Variants in SEPTIN7 observed in about 807,000 individuals in gnomAD.
The protein encoded by SEPTIN7 is septin 7, also known as septin-7.
Under a neutral mutation model 63.3 loss-of-function variants are expected in SEPTIN7, and 10 were observed. The observed-to-expected ratio is 0.16, with a 90% CI of 0.10 to 0.27. The LOEUF (loss-of-function observed/expected upper bound fraction) is 0.27, where lower values mean the gene tolerates loss of function less well. Ranked by LOEUF, SEPTIN7 falls within the 10% of genes least tolerant of loss-of-function variation. The probability of loss-of-function intolerance (pLI) is 1.00; values close to 1 mark genes in which losing one functional copy is unlikely to be tolerated. For synonymous variants in SEPTIN7, 131 were observed against 165.3 expected (o/e 0.79, Z 1.59); for missense variants, 310 against 521.0 (o/e 0.59, Z 3.94).
chr7:35,802,715 G>GT (rs1370827380), intron 1 of SEPTIN7, among the ~76,000 whole-genome samples: 3 of 152,194 alleles, frequency 2.0e-5, no homozygotes, highest in Non-Finnish European at 2.9e-5. Flanking sequence ...ATAGACTGAA[G>GT]GGGGGATATA....
chr7:35,855,133 T>C (rs1392884430), intron 3 of SEPTIN7, among the ~76,000 whole-genome samples: 3 of 150,530 alleles, frequency 2.0e-5, no homozygotes, highest in African/African-American at 7.5e-5. Context: ...CCTACGTCAA[T>C]TTTTTTTGTG....
intron 3 of SEPTIN7, among the ~76,000 whole-genome samples, chr7:35,858,192 G>T (rs1311794262): frequency 3.3e-5 from 5 of 152,074 alleles, no homozygotes; most frequent in African/African-American, 9.6e-5. Flanking sequence ...TGATCCCTCC[G>T]CCTCGGCCTC....
downstream of SEPTIN7, among the ~76,000 whole-genome samples, chr7:35,910,704 AG>A (rs1788726085): frequency 6.6e-6 from 1 of 152,214 alleles, no homozygotes; most frequent in Non-Finnish European, 1.5e-5. Context: ...AAAAAGGGGG[AG>A]AAACAGGGAT....
chr7:35,909,564 C>T (rs140755493), downstream of SEPTIN7, among the ~76,000 whole-genome samples: 171 of 152,218 alleles, frequency 1.1e-3, 1 homozygote, highest in Middle Eastern at 0.044. Context: ...AAAATACCTG[C>T]CTATCAAGGG....
chr7:35,905,729 G>C lies in SEPTIN7; in HGVS notation c.*1436G>C, dbSNP rs1940975940. The C allele has an allele frequency of 6.6e-6, 1 of 152,094 alleles. No individual in the cohort carries two copies. The highest frequency in any genetic ancestry group is 1.5e-5 in the Non-Finnish European group (1 of 68,034). The allele number at this position is 152,094 out of a possible 1,614,324, so 9.4% of individuals were successfully genotyped here. On this transcript the variant is annotated 3_prime_UTR_variant, in exon 14 of 14. Transcript: ENST00000350320. The stretch of plus-strand genomic sequence containing the variant: ...GCCTCCCAAAGTTCTGGGATTACAG[G>C]CATGAGCCGTCATGCCTGGCCTCTG...
At chr7:35,858,396 G>A (rs545310940) in intron 3 of SEPTIN7, among the ~76,000 whole-genome samples, 7 of 151,978 alleles carry the variant, frequency 4.6e-5, no homozygotes, top group South Asian at 2.1e-4. Flanking sequence ...TAGCTCTGTC[G>A]CCAGGCTGGC....
At position 35,829,128 on chromosome 7, in the gene SEPTIN7, C is replaced by CTTTTTTTTTTTTTTTTT. The variant is rs71553032; in HGVS notation, c.62-2356_62-2340dup. On this transcript the variant is annotated intron_variant, in intron 1 of 13. Coordinates refer to ENST00000350320, the MANE Select transcript of SEPTIN7 (RefSeq NM_001788.6). ...CACTTCATTATAGTTCATGGACCTT[C>CTTTTTTTTTTTTTTTTT]TTTTTTTTTTTTTTTTTTTTTTTTG... 2.5e-3 allele frequency among the ~76,000 whole-genome samples: 151 copies of CTTTTTTTTTTTTTTTTT among 61,072 alleles called. 22 individuals carry two copies. Among genetic ancestry groups the CTTTTTTTTTTTTTTTTT allele is most frequent in the Non-Finnish European group, 3.4e-3 (116 of 34,550 alleles). The allele number at this position is 61,072 out of a possible 152,430, so 40.1% of individuals were successfully genotyped here.
At chr7:35,806,551 A>G (rs1788351580) in intron 1 of SEPTIN7, among the ~76,000 whole-genome samples, 1 of 152,222 alleles carries the variant, frequency 6.6e-6, no homozygotes, top group Non-Finnish European at 1.5e-5. Flanking sequence ...GTATGCTTTC[A>G]TAGAAAAAAA....
intron 1 of SEPTIN7, among the ~76,000 whole-genome samples, chr7:35,810,387 G>A (rs1583485377): frequency 6.6e-6 from 1 of 150,664 alleles, no homozygotes; most frequent in Non-Finnish European, 1.5e-5. Context: ...GCAGTGGCGC[G>A]ATCTCAGCTC....
intron 1 of SEPTIN7, among the ~76,000 whole-genome samples, chr7:35,829,128 CTTT>C (rs71553032): frequency 2.3e-4 from 14 of 61,068 alleles, no homozygotes; most frequent in Admixed American, 4.6e-4. Context: ...CATGGACCTT[CTTT>C]TTTTTTTTTT....
At position 35,801,285 on chromosome 7, in the gene SEPTIN7, C is replaced by A. The variant is rs764565925; in HGVS notation, c.61+15C>A. ...CAGCACCATGGGTGAGTCTCAGCTTCGGGTGCCGCGACTTGGGGTCAGCGG... is the reference window on the plus strand; with the variant it reads ...CAGCACCATGGGTGAGTCTCAGCTTAGGGTGCCGCGACTTGGGGTCAGCGG... On this transcript the variant is annotated intron_variant, in intron 1 of 13. Transcript: ENST00000350320. 1 of 1,371,936 alleles carries A rather than the reference C, an allele frequency of 7.3e-7. No individual in the cohort carries two copies. The highest frequency in any genetic ancestry group is 9.4e-7 in the Non-Finnish European group (1 of 1,068,564). The allele number at this position is 1,371,936 out of a possible 1,614,324, so 85.0% of individuals were successfully genotyped here.
intron 3 of SEPTIN7, among the ~76,000 whole-genome samples, chr7:35,845,304 C>T (rs888453999): frequency 6.6e-6 from 1 of 151,580 alleles, no homozygotes; most frequent in Non-Finnish European, 1.5e-5. Flanking sequence ...TATTTTTATT[C>T]GTGCATTTTC....
At chr7:35,810,881 C>T (rs919109798) in intron 1 of SEPTIN7, among the ~76,000 whole-genome samples, 8 of 152,026 alleles carry the variant, frequency 5.3e-5, no homozygotes, top group African/African-American at 1.9e-4. Flanking sequence ...ATTCCTCTGC[C>T]TCAGCCTCCC....
intron 1 of SEPTIN7, among the ~76,000 whole-genome samples, chr7:35,826,008 T>A (rs1215340129): frequency 6.6e-6 from 1 of 152,066 alleles, no homozygotes; most frequent in Non-Finnish European, 1.5e-5. Flanking sequence ...AGTTGAGGGA[T>A]GAGGAACATA....
intron 7 of SEPTIN7, among the ~76,000 whole-genome samples, chr7:35,880,313 G>A (rs1786799311): frequency 7.5e-6 from 1 of 134,014 alleles, no homozygotes; most frequent in South Asian, 2.2e-4. Flanking sequence ...GTTTTTATGG[G>A]TCTTTATCTC....
intron 11 of SEPTIN7, among the ~76,000 whole-genome samples, chr7:35,894,346 T>C (rs538012679): frequency 3.9e-5 from 6 of 152,278 alleles, no homozygotes; most frequent in African/African-American, 1.4e-4. Flanking sequence ...TTCTGTTCTC[T>C]ATAGCCTTCT....
chr7:35,896,664 C>T (rs1357964581), intron 11 of SEPTIN7, among the ~76,000 whole-genome samples: 1 of 152,124 alleles, frequency 6.6e-6, no homozygotes, highest in Non-Finnish European at 1.5e-5. Context: ...TGTTTTTCAG[C>T]TGACTCCACT....
At chr7:35,819,930 C>G (rs1029291443) in intron 1 of SEPTIN7, among the ~76,000 whole-genome samples, 2 of 151,300 alleles carry the variant, frequency 1.3e-5, no homozygotes, top group African/African-American at 2.4e-5. Context: ...TACATTTAAT[C>G]TAAGTAGTGA....
chr7:35,826,170 GGCTGTAT>G (rs1287834983), intron 1 of SEPTIN7, among the ~76,000 whole-genome samples: 1 of 151,712 alleles, frequency 6.6e-6, no homozygotes, highest in African/African-American at 2.4e-5. Flanking sequence ...TTTTCCCTTA[GGCTGTAT>G]GAGAGATGGT....
Sources: gnomAD v4.1 joint callset for allele counts (sites outside exome capture counted in the v4.1 genomes callset) on GRCh38, gnomAD v4.1.1 for gene constraint, MANE v1.5 for transcripts, NCBI Gene and HGNC (gene_info 2026-07-23, HGNC 2026-07-21) for gene names.